The following AUTS2 variants were observed in gnomAD, a reference collection of about 807,000 sequenced individuals.
The protein encoded by AUTS2 is activator of transcription and developmental regulator AUTS2.
Under a neutral mutation model 112.4 loss-of-function variants are expected in AUTS2, and 17 were observed. The observed-to-expected ratio is 0.15, with a 90% CI of 0.10 to 0.23. The LOEUF is 0.23. Ranked by LOEUF, AUTS2 falls within the 10% of genes least tolerant of loss-of-function variation. The probability of loss-of-function intolerance (pLI) is 1.00; values close to 1 mark genes in which losing one functional copy is unlikely to be tolerated. For missense variants in AUTS2, 1,510 were observed against 1,701.6 expected (o/e 0.89, Z 1.98); for synonymous variants, 751 against 702.7 (o/e 1.07, Z -1.09).
chr7:69,973,260 T>G (rs1797928867), intron 2 of AUTS2, among the ~76,000 whole-genome samples: 1 of 152,352 alleles, frequency 6.6e-6, no homozygotes, highest in South Asian at 2.1e-4. Flanking sequence ...ATACAACTTA[T>G]TTTCAAATGT....
chr7:70,076,216 TAAAG>T (rs1401144899), intron 2 of AUTS2, among the ~76,000 whole-genome samples: 1 of 152,166 alleles, frequency 6.6e-6, no homozygotes, highest in African/African-American at 2.4e-5. Context: ...TCTTTGCTAA[TAAAG>T]AGTTGGCATA....
chr7:70,655,579 G>C (rs1806728212), intron 5 of AUTS2, among the ~76,000 whole-genome samples: 1 of 152,226 alleles, frequency 6.6e-6, no homozygotes, highest in African/African-American at 2.4e-5. Flanking sequence ...TCCAAGTGCT[G>C]TTCTGTTTGA....
intron 5 of AUTS2, among the ~76,000 whole-genome samples, chr7:70,576,777 A>G (rs1418707247): frequency 1.3e-5 from 2 of 151,404 alleles, no homozygotes; most frequent in Non-Finnish European, 1.5e-5. Flanking sequence ...ATATTAATAG[A>G]CGCCACTAGG....
intron 5 of AUTS2, among the ~76,000 whole-genome samples, chr7:70,497,019 A>G (rs1798571477): frequency 8.2e-6 from 1 of 121,526 alleles, no homozygotes; most frequent in Non-Finnish European, 1.7e-5. Context: ...AGTCAGACAC[A>G]CACACACACC....
intron 4 of AUTS2, among the ~76,000 whole-genome samples, chr7:70,388,708 T>G (rs1036758246): frequency 1.3e-5 from 2 of 152,190 alleles, no homozygotes; most frequent in Non-Finnish European, 2.9e-5. Context: ...TATCCTAATA[T>G]CCATTTCATA....
At chr7:70,096,572 C>T (rs1208342986) in intron 2 of AUTS2, among the ~76,000 whole-genome samples, 1 of 144,340 alleles carries the variant, frequency 6.9e-6, no homozygotes, top group East Asian at 2.0e-4. Context: ...GCACTCCAGC[C>T]TGGGCAACAA....
chr7:70,135,883 G>C (rs1348213981), intron 4 of AUTS2, among the ~76,000 whole-genome samples: 1 of 152,172 alleles, frequency 6.6e-6, no homozygotes, highest in Admixed American at 6.5e-5. Flanking sequence ...GATGCTGGAA[G>C]TAAAATCTGG....
At chr7:70,204,648 GT>G (rs1346438932) in intron 4 of AUTS2, among the ~76,000 whole-genome samples, 1 of 152,030 alleles carries the variant, frequency 6.6e-6, no homozygotes, top group Non-Finnish European at 1.5e-5. Flanking sequence ...TAAGTTAATT[GT>G]TTTTCCCCCA....
chr7:70,612,046 A>C (rs1012675624), intron 5 of AUTS2, among the ~76,000 whole-genome samples: 1 of 152,204 alleles, frequency 6.6e-6, no homozygotes, highest in Non-Finnish European at 1.5e-5. Context: ...AAATGTGTGC[A>C]TTGGTTGTTA....
At chr7:69,790,469 C>T (rs1317533917) in intron 1 of AUTS2, among the ~76,000 whole-genome samples, 2 of 152,094 alleles carry the variant, frequency 1.3e-5, no homozygotes, top group Non-Finnish European at 2.9e-5. Context: ...TGATAATTAC[C>T]ATGACTTGAA....
intron 6 of AUTS2, among the ~76,000 whole-genome samples, chr7:70,712,823 C>T (rs1810134040): frequency 6.6e-6 from 1 of 152,112 alleles, no homozygotes; most frequent in African/African-American, 2.4e-5. Flanking sequence ...CTCAATCTGT[C>T]GGCCAGGCTG....
intron 4 of AUTS2, among the ~76,000 whole-genome samples, chr7:70,234,691 G>A (rs1454045881): frequency 6.6e-6 from 1 of 152,096 alleles, no homozygotes; most frequent in South Asian, 2.1e-4. Context: ...TTTGTATTTG[G>A]CTATTTGTAT....
chr7:70,350,630 A>G (rs999027069), intron 4 of AUTS2, among the ~76,000 whole-genome samples: 3 of 152,182 alleles, frequency 2.0e-5, no homozygotes, highest in African/African-American at 4.8e-5. Flanking sequence ...CCCATGACAC[A>G]TGGGAGCTAC....
At chr7:69,706,291 C>T (rs1584105728) in intron 1 of AUTS2, among the ~76,000 whole-genome samples, 1 of 152,316 alleles carries the variant, frequency 6.6e-6, no homozygotes, top group East Asian at 1.9e-4. Context: ...CTGGAACATT[C>T]TGTGCTGGTT....
intron 4 of AUTS2, among the ~76,000 whole-genome samples, chr7:70,248,963 G>A (rs1813072186): frequency 6.6e-6 from 1 of 152,066 alleles, no homozygotes. Flanking sequence ...ATTCATGTTG[G>A]ATCACTTTTA....
At chr7:69,994,592 A>T (rs1798867765) in intron 2 of AUTS2, among the ~76,000 whole-genome samples, 1 of 152,192 alleles carries the variant, frequency 6.6e-6, no homozygotes, top group African/African-American at 2.4e-5. Flanking sequence ...TTCAACATAC[A>T]CTTTGGAAAA....
At chr7:69,775,945 C>A (rs1217635889) in intron 1 of AUTS2, among the ~76,000 whole-genome samples, 1 of 152,088 alleles carries the variant, frequency 6.6e-6, no homozygotes, top group East Asian at 1.9e-4. Flanking sequence ...GGAGACCTCC[C>A]CCACCCCACT....
chr7:70,692,159 C>T (rs955105198), intron 5 of AUTS2, among the ~76,000 whole-genome samples: 2 of 152,142 alleles, frequency 1.3e-5, no homozygotes, highest in African/African-American at 2.4e-5. Context: ...TGAGCAACTG[C>T]GCCCAGACTG....
chr7:70,057,610 A>G (rs1157600336), intron 2 of AUTS2, among the ~76,000 whole-genome samples: 1 of 152,212 alleles, frequency 6.6e-6, no homozygotes, highest in Non-Finnish European at 1.5e-5. Flanking sequence ...TTTTAATGCT[A>G]GAAAATTGAA....
Sources: allele counts gnomAD v4.1 joint callset (sites outside exome capture counted in the v4.1 genomes callset), GRCh38; gene constraint gnomAD v4.1.1; transcripts MANE v1.5; gene names NCBI Gene and HGNC (gene_info 2026-07-23, HGNC 2026-07-21).